The following PAPPA variants were observed in gnomAD, a reference collection of about 807,000 sequenced individuals.
PAPPA encodes the protein pappalysin 1, also known as pappalysin-1.
PAPPA carries 60 observed loss-of-function variants against 164.0 expected under a neutral mutation model. That is an observed-to-expected ratio of 0.37 (90% CI 0.30 to 0.45). PAPPA has a LOEUF of 0.45. PAPPA is among the 20% of genes least tolerant of loss of function. PAPPA has a pLI of 1.00. For missense variants in PAPPA, 1,782 were observed against 2,087.3 expected (o/e 0.85, Z 2.85); for synonymous variants, 875 against 814.1 (o/e 1.07, Z -1.27).
At chr9:116,160,020 G>T (rs1843649066) in intron 1 of PAPPA, among the ~76,000 whole-genome samples, 1 of 152,186 alleles carries the variant, frequency 6.6e-6, no homozygotes, top group Non-Finnish European at 1.5e-5. Context: ...TGCCCAGGCT[G>T]CACCCCAAGG....
intron 5 of PAPPA, among the ~76,000 whole-genome samples, chr9:116,225,089 A>T (rs1000227758): frequency 6.6e-6 from 1 of 152,234 alleles, no homozygotes; most frequent in Non-Finnish European, 1.5e-5. Flanking sequence ...AGGTGGCTTT[A>T]TGTGTATCAC....
intron 7 of PAPPA, among the ~76,000 whole-genome samples, chr9:116,246,146 T>C (rs1844794249): frequency 6.6e-6 from 1 of 152,194 alleles, no homozygotes; most frequent in East Asian, 1.9e-4. Context: ...GTTCCCCATA[T>C]AATGATAGGA....
chr9:116,387,681 G>A (rs780182159), intron 21 of PAPPA, among the ~76,000 whole-genome samples: 8 of 152,146 alleles, frequency 5.3e-5, no homozygotes, highest in African/African-American at 1.2e-4. Context: ...GGCCCTAGGC[G>A]TTATCTTTTT....
intron 2 of PAPPA, 59 bp downstream of exon 2, chr9:116,188,275 T>G (rs1844002571): frequency 1.5e-6 from 2 of 1,323,092 alleles, no homozygotes; most frequent in Non-Finnish European, 2.1e-6. Flanking sequence ...GTCCTCCATA[T>G]TATAGATAAG....
intron 2 of PAPPA, among the ~76,000 whole-genome samples, chr9:116,201,873 G>A (rs541747816): frequency 6.6e-6 from 1 of 152,204 alleles, no homozygotes. Flanking sequence ...GCCCACTCTT[G>A]GCCAGTGTTC....
At chr9:116,371,164 C>G (rs1846567888) in intron 19 of PAPPA, among the ~76,000 whole-genome samples, 2 of 136,752 alleles carry the variant, frequency 1.5e-5, no homozygotes, top group Non-Finnish European at 3.1e-5. Flanking sequence ...CGCCTGTAAT[C>G]CCAGCACATT....
chr9:116,269,928 G>T (rs755105986), intron 8 of PAPPA, among the ~76,000 whole-genome samples: 1 of 152,164 alleles, frequency 6.6e-6, no homozygotes, highest in Non-Finnish European at 1.5e-5. Flanking sequence ...AGAGGACTTG[G>T]GTGGCTCCTT....
intron 4 of PAPPA, among the ~76,000 whole-genome samples, chr9:116,218,241 C>T (rs433687): frequency 0.53 from 80,594 of 151,718 alleles, 21,927 homozygotes; most frequent in East Asian, 0.81. Flanking sequence ...GCAGCTTCTG[C>T]ATAGAACCTC....
At chr9:116,381,291 C>T (rs748811387) in intron 20 of PAPPA, among the ~76,000 whole-genome samples, 6 of 152,168 alleles carry the variant, frequency 3.9e-5, no homozygotes, top group South Asian at 2.1e-4. Context: ...GCCACTATGC[C>T]GGTACAATTA....
At chr9:116,282,506 A>G (rs1460963314) in intron 9 of PAPPA, among the ~76,000 whole-genome samples, 1 of 152,218 alleles carries the variant, frequency 6.6e-6, no homozygotes, top group Non-Finnish European at 1.5e-5. Context: ...TAATTGGATA[A>G]AATTCACTCA....
chr9:116,252,352 C>T (rs1844869486), intron 7 of PAPPA, among the ~76,000 whole-genome samples: 1 of 152,212 alleles, frequency 6.6e-6, no homozygotes, highest in African/African-American at 2.4e-5. Flanking sequence ...TTATTTAATC[C>T]AGACAATGGG....
intron 9 of PAPPA, among the ~76,000 whole-genome samples, chr9:116,282,212 C>T (rs1280001447): frequency 6.6e-6 from 1 of 152,132 alleles, no homozygotes; most frequent in Non-Finnish European, 1.5e-5. Flanking sequence ...TTCCTATATA[C>T]TTCAAATCAT....
In PAPPA at chr9:116,219,929, G is replaced by A. The variant is rs749012215; in HGVS notation, c.1919-8G>A. On this transcript the variant is annotated splice_polypyrimidine_tract_variant and splice_region_variant and intron_variant, in intron 4 of 21. Transcript: ENST00000328252. ...TTGGTGCTTATCTCTCCCTCTGCCT[G>A]CTTGCAGATGACGACTGTACGGACT... The A allele has an allele frequency of 1.2e-6, 2 of 1,601,216 alleles. No homozygotes were observed. Among genetic ancestry groups the A allele is most frequent in the South Asian group, 1.1e-5 (1 of 90,246 alleles).
At chr9:116,351,571 C>T (rs776606315) in intron 15 of PAPPA, among the ~76,000 whole-genome samples, 1 of 152,162 alleles carries the variant, frequency 6.6e-6, no homozygotes, top group Non-Finnish European at 1.5e-5. Flanking sequence ...GCTGATCATA[C>T]GTAGTAGCCA....
At chr9:116,269,964 T>C (rs1174492426) in intron 8 of PAPPA, among the ~76,000 whole-genome samples, 1 of 152,188 alleles carries the variant, frequency 6.6e-6, no homozygotes, top group Non-Finnish European at 1.5e-5. Flanking sequence ...GCCCTAGCCA[T>C]CTTAAGGATT....
chr9:116,262,966 T>C (rs1845020257), intron 7 of PAPPA, among the ~76,000 whole-genome samples: 1 of 152,218 alleles, frequency 6.6e-6, no homozygotes, highest in Admixed American at 6.5e-5. Flanking sequence ...GGGTAAAATA[T>C]AGTTTTATCA....
intron 1 of PAPPA, among the ~76,000 whole-genome samples, chr9:116,174,050 G>C (rs1843803077): frequency 6.6e-6 from 1 of 152,050 alleles, no homozygotes; most frequent in African/African-American, 2.4e-5. Flanking sequence ...TGAGTTATTT[G>C]GACTCTCTGA....
At chr9:116,363,560 A>C (rs529716657) in intron 18 of PAPPA, among the ~76,000 whole-genome samples, 7 of 152,332 alleles carry the variant, frequency 4.6e-5, no homozygotes, top group African/African-American at 1.2e-4. Context: ...CTCAGAGTGC[A>C]TGGAGTGTGA....
At chr9:116,324,827 G>A (rs977647381) in intron 10 of PAPPA, among the ~76,000 whole-genome samples, 1 of 152,134 alleles carries the variant, frequency 6.6e-6, no homozygotes, top group Admixed American at 6.5e-5. Context: ...CAGCATGAAG[G>A]AAGCACCACT....
Sources: allele counts gnomAD v4.1 joint callset (sites outside exome capture counted in the v4.1 genomes callset), GRCh38; gene constraint gnomAD v4.1.1; transcripts MANE v1.5; gene names NCBI Gene and HGNC (gene_info 2026-07-23, HGNC 2026-07-21).